Variants in ARHGEF2 observed in about 807,000 individuals in gnomAD.
ARHGEF2 encodes Rho/Rac guanine nucleotide exchange factor 2.
A neutral mutation model predicts 121.0 loss-of-function variants in ARHGEF2; 22 were observed. The observed-to-expected ratio is 0.18, with a 90% CI of 0.13 to 0.26. The LOEUF (loss-of-function observed/expected upper bound fraction) is 0.26. Ranked by LOEUF, ARHGEF2 falls within the 10% of genes least tolerant of loss-of-function variation. The pLI is 1.00. For missense variants in ARHGEF2, 907 were observed against 1,336.0 expected (o/e 0.68, Z 5.01); for synonymous variants, 487 against 530.0 (o/e 0.92, Z 1.11).
chr1:155,970,144 G>A, intron 1 of ARHGEF2: 1 of 985,306 alleles, frequency 1.0e-6, no homozygotes, highest in Non-Finnish European at 1.2e-6. Flanking sequence ...TTCCTCTATT[G>A]CTCCTTACCC....
chr1:155,964,199 C>CGT, intron 7 of ARHGEF2, among the ~76,000 whole-genome samples: 1 of 45,126 alleles, frequency 2.2e-5, no homozygotes, highest in South Asian at 8.2e-4. Context: ...TATATATATA[C>CGT]ATATATATAT....
chr1:155,964,167 A>ATATATATACGT lies in ARHGEF2; in HGVS notation c.724+820_724+821insACGTATATATA, dbSNP rs1449851145. Among the ~76,000 whole-genome samples the ATATATATACGT allele has an allele frequency of 3.3e-5, 3 of 91,220 alleles. No individual in the cohort carries two copies. The South Asian group carries it at 9.8e-4, about 30-fold the overall frequency. The allele number at this position is 91,220 out of a possible 152,430, so 59.8% of individuals were successfully genotyped here. ...TTCAAAAAAAAAAAAAAAAAAAAAA[A>ATATATATACGT]ATATATATATATATATATATATATA... is the stretch of plus-strand genomic sequence containing the variant. On this transcript the variant is annotated intron_variant, in intron 7 of 21. Transcript: ENST00000361247.
rs377706548 is a variant in ARHGEF2, at chr1:155,954,888, G to A, written c.1783+14C>T. The A allele has an allele frequency of 1.8e-4, 284 of 1,609,128 alleles. No individual in the cohort carries two copies. The highest frequency in any genetic ancestry group is 5.0e-4 in the Middle Eastern group (3 of 5,978). On this transcript the variant is annotated intron_variant, in intron 14 of 21. Transcript: ENST00000361247. ...ATTATAAATTACTAAGGAGCTCCTT[G>A]TGGGTGGACTTACTCTTAATTCGCC...
intron 1 of ARHGEF2, chr1:155,970,883 T>A (rs1680328749): frequency 1.0e-6 from 1 of 986,136 alleles, no homozygotes; most frequent in African/African-American, 1.7e-5. Flanking sequence ...AGCCCAGAGG[T>A]CTTGGGGTCA....
In ARHGEF2 at chr1:155,966,414, A is replaced by C. The variant is rs1679380779; in HGVS notation, c.340+2T>G. On this transcript the variant is annotated splice_donor_variant, in intron 4 of 21. Coordinates refer to ENST00000361247, the MANE Select transcript of ARHGEF2 (RefSeq NM_001162383.2). LOFTEE classifies it high-confidence loss of function. ...GACCTCCTCCACTCCCCAACTACTC[A>C]CTCTTACTTCGAAGAGAAACGGACT... 2 of 1,613,424 alleles carry C rather than the reference A, an allele frequency of 1.2e-6. No homozygotes were observed. The highest frequency in any genetic ancestry group is 8.5e-7 in the Non-Finnish European group (1 of 1,179,820).
chr1:155,971,658 TC>T (rs1202352798), intron 1 of ARHGEF2, among the ~76,000 whole-genome samples: 1 of 151,036 alleles, frequency 6.6e-6, no homozygotes, highest in Non-Finnish European at 1.5e-5. Context: ...AAAAATCTCT[TC>T]CCACTGCCAT....
Position 155,976,470 on chromosome 1 carries a change from C to T in ARHGEF2, c.63+1895G>A, listed in dbSNP as rs574455972. On this transcript the variant is annotated intron_variant, in intron 1 of 21. Coordinates refer to ENST00000361247, the MANE Select transcript of ARHGEF2 (RefSeq NM_001162383.2). ...TTCCCAAATTACCTGCCCCACACAG[C>T]CAGCCCCCATAGTAGAAAGAAGAGC... 6.0e-5 allele frequency among the ~76,000 whole-genome samples: 9 copies of T among 151,200 alleles called. No homozygotes were observed. In the South Asian group the frequency reaches 1.7e-3, roughly 28 times the overall value.
At chr1:155,952,324 A>T (rs942095190) in intron 15 of ARHGEF2, 89 bp from the exon 16 acceptor site, 2 of 1,554,516 alleles carry the variant, frequency 1.3e-6, no homozygotes, top group Non-Finnish European at 1.7e-6. Context: ...ACACTTGGGC[A>T]TCTGGGGGAA....
chr1:155,948,067 A>T (rs1377055439), intron 21 of ARHGEF2, 52 bp from the exon 22 acceptor site: 1 of 1,466,114 alleles, frequency 6.8e-7, no homozygotes, highest in African/African-American at 1.4e-5. Context: ...CCCATGAGGA[A>T]CTGTACCCCT....
At position 155,950,816 on chromosome 1, in the gene ARHGEF2, C is replaced by T. The variant is rs749838487; in HGVS notation, c.2703+13G>A. ...TCCACCCCAGGTCCATTCACCACTGCAGGCCACCTTACCTGTGGGGGGTTG... is the reference window on the plus strand; with the variant it reads ...TCCACCCCAGGTCCATTCACCACTGTAGGCCACCTTACCTGTGGGGGGTTG... On this transcript the variant is annotated intron_variant, in intron 20 of 21. Transcript: ENST00000361247. The surrounding 1 kb of genome is among the most constrained non-coding windows in gnomAD (Gnocchi z 5.2). 5 of 1,518,120 alleles carry T rather than the reference C, an allele frequency of 3.3e-6. No individual in the cohort carries two copies. The highest frequency in any genetic ancestry group is 4.4e-6 in the Non-Finnish European group (5 of 1,133,552). 94.0% of individuals were successfully genotyped at this position (1,518,120 alleles called of 1,614,324 possible). A position where few individuals can be genotyped will look rare whatever the true frequency, so the allele number is the denominator to read the frequency against.
chr1:155,959,552 T>C (rs1387644010), intron 11 of ARHGEF2, among the ~76,000 whole-genome samples: 2 of 151,252 alleles, frequency 1.3e-5, no homozygotes, highest in African/African-American at 2.4e-5. Flanking sequence ...CTGGCCTATT[T>C]TTTATTTTTT....
In ARHGEF2 at chr1:155,957,899, A is replaced by G. The variant is rs115451717; in HGVS notation, c.1546-17T>C. On this transcript the variant is annotated splice_polypyrimidine_tract_variant and intron_variant, in intron 12 of 21. Transcript: ENST00000361247. ...AGGCTTGTCCTGCCAGTCAGGGGAA[A>G]GGAAGGATTAAGCCTGGGAATCCTG... 1.5e-3 allele frequency: 2,415 copies of G among 1,611,440 alleles called. 33 individuals carry two copies. In the African/African-American group the frequency reaches 0.03, roughly 20 times the overall value.
chr1:155,959,627 C>G (rs1216341484), intron 11 of ARHGEF2, among the ~76,000 whole-genome samples: 5 of 152,044 alleles, frequency 3.3e-5, no homozygotes, highest in Non-Finnish European at 7.4e-5. Flanking sequence ...TCACTGTGAC[C>G]TCTGCCTCCT....
chr1:155,978,057 C>A lies in ARHGEF2; in HGVS notation c.63+308G>T, dbSNP rs907610846. On this transcript the variant is annotated intron_variant, in intron 1 of 21. Coordinates refer to ENST00000361247, the MANE Select transcript of ARHGEF2 (RefSeq NM_001162383.2). The surrounding 1 kb of genome is among the most constrained non-coding windows in gnomAD (Gnocchi z 4.1). ...GACACACACCTCCCTCTTCCCGCTCCGTCCCTTACCGGAGCAACTTTCTTT... is the reference window on the plus strand; with the variant it reads ...GACACACACCTCCCTCTTCCCGCTCAGTCCCTTACCGGAGCAACTTTCTTT... The A allele has an allele frequency of 8.9e-7, 1 of 1,127,044 alleles. No individual in the cohort carries two copies. The highest frequency in any genetic ancestry group is 1.6e-5 in the African/African-American group (1 of 61,874). 69.8% of individuals were successfully genotyped at this position (1,127,044 alleles called of 1,614,324 possible).
chr1:155,950,802 T>A lies in ARHGEF2; in HGVS notation c.2703+27A>T. 6.6e-7 allele frequency: 1 copy of A among 1,514,856 alleles called. No homozygotes were observed. Among genetic ancestry groups the A allele is most frequent in the Non-Finnish European group, 8.8e-7 (1 of 1,131,840 alleles). 93.8% of individuals were successfully genotyped at this position (1,514,856 alleles called of 1,614,324 possible). On this transcript the variant is annotated intron_variant, in intron 20 of 21. Transcript: ENST00000361247. The surrounding 1 kb of genome is among the most constrained non-coding windows in gnomAD (Gnocchi z 5.2). Reference sequence around the variant, plus strand: ...CATGGACCCTTATGTCCACCCCAGGTCCATTCACCACTGCAGGCCACCTTA... The same window carrying A: ...CATGGACCCTTATGTCCACCCCAGGACCATTCACCACTGCAGGCCACCTTA...
Position 155,951,943 on chromosome 1 carries a change from T to C in ARHGEF2, c.2148A>G (p.Arg716=). 4 of 1,614,062 alleles carry C rather than the reference T, an allele frequency of 2.5e-6. No individual in the cohort carries two copies. Among genetic ancestry groups the C allele is most frequent in the Non-Finnish European group, 3.4e-6 (4 of 1,180,010 alleles). The stretch of plus-strand genomic sequence containing the variant: ...CCCTCTGGCTAGAGTCTGAGTCAGC[T>C]CTGCAGAGTTCAATGGAGCCATTGA... ...RTFNGSIELC[R]ADSDSSQRDR... is the part of the protein sequence containing the mutation. The change falls in exon 17 of 22, where the codon AGA becomes AGG. Residue 716 remains arginine, a synonymous_variant. Transcript: ENST00000361247. The surrounding 1 kb of genome is among the most constrained non-coding windows in gnomAD (Gnocchi z 5.1).
chr1:155,957,309 G>A (rs1470577966), intron 13 of ARHGEF2, among the ~76,000 whole-genome samples: 4 of 152,236 alleles, frequency 2.6e-5, no homozygotes, highest in Non-Finnish European at 4.4e-5. Flanking sequence ...CTCTAGTATC[G>A]ATGCTTTCAT....
chr1:155,973,257 TCTTC>T (rs1312452286), intron 1 of ARHGEF2, among the ~76,000 whole-genome samples: 1 of 152,150 alleles, frequency 6.6e-6, no homozygotes, highest in African/African-American at 2.4e-5. Context: ...CTGGAAACCC[TCTTC>T]CTTCCTTATC....
In ARHGEF2 at chr1:155,951,500, G is replaced by A; in HGVS notation, c.2242C>T (p.Leu748Phe). 6.2e-7 allele frequency: 1 copy of A among 1,614,172 alleles called. No individual in the cohort carries two copies. The highest frequency in any genetic ancestry group is 8.5e-7 in the Non-Finnish European group (1 of 1,180,028). The change falls in exon 19 of 22, where the codon CTT becomes TTT. Residue 748 changes from leucine to phenylalanine, a missense_variant. Transcript: ENST00000361247. The surrounding 1 kb of genome is among the most constrained non-coding windows in gnomAD (Gnocchi z 5.1). ...CTACTGACCTGTAGGCCATGTAGAA[G>A]TCCATAGAGATTGACCAATCGCTGT... ...ALQRLVNLYG[L>F]LHGLQAAVAQ...
Sources: allele counts gnomAD v4.1 joint callset (sites outside exome capture counted in the v4.1 genomes callset), GRCh38; gene constraint gnomAD v4.1.1; non-coding constraint Gnocchi (gnomAD v3.1); transcripts MANE v1.5; gene names NCBI Gene and HGNC (gene_info 2026-07-23, HGNC 2026-07-21).